Variants in SLC7A2 observed in about 807,000 individuals in gnomAD.
SLC7A2 encodes the protein solute carrier family 7 member 2, also known as cationic amino acid transporter 2.
A neutral mutation model predicts 58.9 loss-of-function variants in SLC7A2; 48 were observed. The ratio of observed to expected loss-of-function variants is 0.82; its 90% CI spans 0.65 to 1.04. The LOEUF (loss-of-function observed/expected upper bound fraction) is 1.04, where lower values mean the gene tolerates loss of function less well. Among genes scored for constraint, SLC7A2 ranks in the 50% least tolerant of loss-of-function variants. SLC7A2 has a pLI of 0.00. For synonymous variants in SLC7A2, 363 were observed against 314.5 expected (o/e 1.15, Z -1.63); for missense variants, 1,029 against 818.8 (o/e 1.26, Z -3.13).
intron 2 of SLC7A2, among the ~76,000 whole-genome samples, chr8:17,529,322 A>G (rs2705084): frequency 0.49 from 74,949 of 151,776 alleles, 19,008 homozygotes; most frequent in Non-Finnish European, 0.55. Flanking sequence ...GACTTGTTCT[A>G]TCAAGCTCAT....
At chr8:17,524,277 T>G (rs1326921150) in intron 2 of SLC7A2, among the ~76,000 whole-genome samples, 1 of 152,082 alleles carries the variant, frequency 6.6e-6, no homozygotes, top group Non-Finnish European at 1.5e-5. Flanking sequence ...GAAAAAGAAG[T>G]CATTATATGA....
chr8:17,537,374 C>G (rs192900197), intron 2 of SLC7A2, among the ~76,000 whole-genome samples: 6 of 152,156 alleles, frequency 3.9e-5, no homozygotes, highest in Non-Finnish European at 5.9e-5. Flanking sequence ...CTTCTACTGC[C>G]AGCCTGTGGG....
At position 17,543,188 on chromosome 8, in the gene SLC7A2, A is replaced by T. The variant is rs994822301; in HGVS notation, c.-22-130A>T. ...GTCACTGCATCTCTTCTAACAAGTG[A>T]AACACACACACACACACACACACAC... is the stretch of plus-strand genomic sequence containing the variant. On this transcript the variant is annotated intron_variant, in intron 2 of 12. Coordinates refer to ENST00000494857, the MANE Select transcript of SLC7A2 (RefSeq NM_001370338.1). The T allele has an allele frequency of 8.8e-6, 7 of 799,988 alleles. No homozygotes were observed. In the African/African-American group the frequency reaches 1.4e-4, roughly 16 times the overall value. 49.6% of individuals were successfully genotyped at this position (799,988 alleles called of 1,614,324 possible).
At position 17,551,939 on chromosome 8, in the gene SLC7A2, T is replaced by C; in HGVS notation, c.1008T>C (p.Pro336=). 6.2e-7 allele frequency: 1 copy of C among 1,614,086 alleles called. No homozygotes were observed. Among genetic ancestry groups the C allele is most frequent in the Non-Finnish European group, 8.5e-7 (1 of 1,180,004 alleles). ...CGTTTGAATATGTGGGATGGGGTCC[T>C]GCCAAATATGTCGTCGCAGCTGGTT... ...PVAFEYVGWG[P]AKYVVAAGSL... is the part of the protein sequence containing the mutation. The change falls in exon 7 of 13, where the codon CCT becomes CCC. Residue 336 remains proline (P), a synonymous_variant. Coordinates refer to ENST00000494857, the MANE Select transcript of SLC7A2 (RefSeq NM_001370338.1).
At chr8:17,518,347 C>G (rs901020209) in intron 2 of SLC7A2, among the ~76,000 whole-genome samples, 2 of 152,004 alleles carry the variant, frequency 1.3e-5, no homozygotes, top group Admixed American at 1.3e-4. Context: ...TGGCTTTTCA[C>G]CAAGCCGTGG....
In SLC7A2 at chr8:17,562,011, C is replaced by T; in HGVS notation, c.1572C>T (p.Ala524=). The T allele has an allele frequency of 6.2e-7, 1 of 1,614,060 alleles. No individual in the cohort carries two copies. The change falls in exon 11 of 13, where the codon GCC becomes GCT. Residue 524 remains alanine, a synonymous_variant. Coordinates refer to ENST00000494857, the MANE Select transcript of SLC7A2 (RefSeq NM_001370338.1). ...TTCATGCCATCACCAGGCTGGAGGCCTGGAGCCTCGCTCTCCTCGCGCTGT... is the reference window on the plus strand; with the variant it reads ...TTCATGCCATCACCAGGCTGGAGGCTTGGAGCCTCGCTCTCCTCGCGCTGT... ...YGVHAITRLE[A]WSLALLALFL...
intron 7 of SLC7A2, among the ~76,000 whole-genome samples, chr8:17,554,139 G>C (rs1204966714): frequency 6.6e-6 from 1 of 152,146 alleles, no homozygotes; most frequent in East Asian, 1.9e-4. Flanking sequence ...TATTGCTTAT[G>C]AAATAAAATT....
chr8:17,523,397 G>A (rs1313237192), intron 2 of SLC7A2, among the ~76,000 whole-genome samples: 2 of 152,146 alleles, frequency 1.3e-5, no homozygotes, highest in Non-Finnish European at 2.9e-5. Flanking sequence ...AAACAGCATG[G>A]TATTGGTATA....
intron 8 of SLC7A2, chr8:17,554,978 T>C: frequency 6.2e-7 from 1 of 1,614,110 alleles, no homozygotes; most frequent in Non-Finnish European, 8.5e-7. Context: ...TTACCCCGAA[T>C]TCTGTTTGCC....
rs947046569 is a variant in SLC7A2, at chr8:17,562,026, C to T, written c.1587C>T (p.Leu529=). ...ITRLEAWSLA[L]LALFLVLFVA... is the part of the protein sequence containing the mutation. ...GGCTGGAGGCCTGGAGCCTCGCTCT[C>T]CTCGCGCTGTTTCTTGTTCTCTTCG... Residue 529 remains leucine, a synonymous_variant, in exon 11 of 13, where the codon CTC becomes CTT. Transcript: ENST00000494857. The T allele has an allele frequency of 1.2e-6, 2 of 1,614,084 alleles. No individual in the cohort carries two copies. The highest frequency in any genetic ancestry group is 8.5e-7 in the Non-Finnish European group (1 of 1,179,998).
intron 5 of SLC7A2, among the ~76,000 whole-genome samples, chr8:17,549,327 G>T (rs972625903): frequency 6.6e-6 from 1 of 152,238 alleles, no homozygotes; most frequent in African/African-American, 2.4e-5. Flanking sequence ...AGACCCTTCT[G>T]AGAGACTGTT....
At chr8:17,514,139 A>G (rs944963213) in intron 2 of SLC7A2, among the ~76,000 whole-genome samples, 18 of 152,128 alleles carry the variant, frequency 1.2e-4, no homozygotes, top group Admixed American at 1.0e-3. Flanking sequence ...TTGACCCCAC[A>G]GAGTCTCTCA....
intron 2 of SLC7A2, among the ~76,000 whole-genome samples, chr8:17,535,981 C>G (rs935741894): frequency 6.6e-6 from 1 of 152,068 alleles, no homozygotes; most frequent in Non-Finnish European, 1.5e-5. Context: ...AGAGACTTCT[C>G]TGATTCAGGA....
At chr8:17,495,480 C>G (rs1585165859), upstream of SLC7A2, among the ~76,000 whole-genome samples, 1 of 152,174 alleles carries the variant, frequency 6.6e-6, no homozygotes, top group Non-Finnish European at 1.5e-5. Context: ...GTCTCTATTA[C>G]TTAAGACATT....
chr8:17,560,225 A>T, intron 9 of SLC7A2, 103 bp from the exon 10 acceptor site: 4 of 787,826 alleles, frequency 5.1e-6, no homozygotes, highest in South Asian at 4.8e-5. Context: ...TACTCTACAC[A>T]CTATCACTCT....
intron 7 of SLC7A2, among the ~76,000 whole-genome samples, chr8:17,552,769 C>G (rs528148500): frequency 5.5e-4 from 84 of 152,302 alleles, no homozygotes; most frequent in African/African-American, 1.8e-3. Flanking sequence ...GTTTCCTCAG[C>G]TACCCTTATT....
At chr8:17,556,031 T>C (rs943081020) in intron 8 of SLC7A2, among the ~76,000 whole-genome samples, 1 of 152,190 alleles carries the variant, frequency 6.6e-6, no homozygotes, top group African/African-American at 2.4e-5. Flanking sequence ...TGGAATTTTT[T>C]TCAGGGTCAG....
At position 17,544,654 on chromosome 8, in the gene SLC7A2, T is replaced by C. The variant is rs534062106; in HGVS notation, c.532+48T>C. ...TCTGCAGAATGAGCCACACTATTTG[T>C]CTCAGGAAAATAGGTTACTTCTGAA... On this transcript the variant is annotated intron_variant, in intron 4 of 12. Coordinates refer to ENST00000494857, the MANE Select transcript of SLC7A2 (RefSeq NM_001370338.1). 5.6e-5 allele frequency: 87 copies of C among 1,554,514 alleles called. No homozygotes were observed. The African/African-American group carries it at 1.1e-3, about 20-fold the overall frequency.
chr8:17,494,178 A>G (rs1397864638), upstream of SLC7A2, among the ~76,000 whole-genome samples: 1 of 152,166 alleles, frequency 6.6e-6, no homozygotes, highest in Non-Finnish European at 1.5e-5. Flanking sequence ...GTAAGAATCC[A>G]TTCCTTCAGT....
Sources: allele counts gnomAD v4.1 joint callset (sites outside exome capture counted in the v4.1 genomes callset), GRCh38; gene constraint gnomAD v4.1.1; transcripts MANE v1.5; gene names NCBI Gene and HGNC (gene_info 2026-07-23, HGNC 2026-07-21).